The following CENPK variants were observed in gnomAD, a reference collection of about 807,000 sequenced individuals.
CENPK encodes SoxLZ/Sox6-binding protein Solt.
CENPK carries 46 observed loss-of-function variants against 40.9 expected under a neutral mutation model. The observed-to-expected ratio is 1.13, with a 90% confidence interval of 0.89 to 1.44. CENPK has a LOEUF of 1.44. Ranked by LOEUF, CENPK falls within the 40% of genes most tolerant of loss-of-function variation. The probability of loss-of-function intolerance (pLI) is 0.00; values close to 1 mark genes in which losing one functional copy is unlikely to be tolerated. For synonymous variants in CENPK, 107 were observed against 104.4 expected (o/e 1.02, Z -0.15); for missense variants, 288 against 303.5 (o/e 0.95, Z 0.38).
chr5:65,512,879 T>G (rs1246846671), downstream of CENPK, among the ~76,000 whole-genome samples: 2 of 152,218 alleles, frequency 1.3e-5, no homozygotes, highest in Admixed American at 6.5e-5. Context: ...GCCATTGTGG[T>G]AGGCACATAG....
chr5:65,502,174 G>C, the CENPK span, among the ~76,000 whole-genome samples: 4 of 152,274 alleles, frequency 2.6e-5, no homozygotes, highest in Admixed American at 6.5e-5. Context: ...CAGTAGGGTG[G>C]TTATAGTTGA....
intron 5 of CENPK, among the ~76,000 whole-genome samples, chr5:65,548,661 T>G (rs1351480540): frequency 6.6e-6 from 1 of 152,224 alleles, no homozygotes; most frequent in Non-Finnish European, 1.5e-5. Context: ...AATCTTTTGT[T>G]GTCATTTCAA....
intron 2 of CENPK, among the ~76,000 whole-genome samples, chr5:65,555,750 G>C (rs1750866241): frequency 6.6e-6 from 1 of 152,176 alleles, no homozygotes; most frequent in Non-Finnish European, 1.5e-5. Flanking sequence ...AGAGAGAAGT[G>C]AATTATTACG....
At chr5:65,533,839 G>A (rs1746348995) in intron 6 of CENPK, among the ~76,000 whole-genome samples, 1 of 151,810 alleles carries the variant, frequency 6.6e-6, no homozygotes, top group South Asian at 2.1e-4. Context: ...TCAGGAGATC[G>A]AGACCATCCT....
At chr5:65,554,084 C>T (rs1750578598) in intron 3 of CENPK, among the ~76,000 whole-genome samples, 2 of 152,206 alleles carry the variant, frequency 1.3e-5, no homozygotes, top group Admixed American at 1.3e-4. Flanking sequence ...GCTTTGTATA[C>T]CTCTTCTACT....
intron 6 of CENPK, chr5:65,529,545 T>C (rs1313542267): frequency 5.4e-6 from 1 of 185,386 alleles, no homozygotes; most frequent in Admixed American, 5.8e-5. Flanking sequence ...TGGAGGGCAG[T>C]GGTGCCATCT....
intron 4 of CENPK, among the ~76,000 whole-genome samples, 185 bp from the exon 5 acceptor site, chr5:65,551,821 C>T (rs141742325): frequency 6.6e-6 from 1 of 152,276 alleles, no homozygotes; most frequent in East Asian, 1.9e-4. Context: ...TCTATTCCTA[C>T]AGCAATTCCA....
In CENPK at chr5:65,551,551, A is replaced by G; in HGVS notation, c.241+13T>C. ...GGTTTACAAAAAATTCAAATTTAAAATAAGAATCTTACTTTCAGGTGTTTT... is the reference window on the plus strand; with the variant it reads ...GGTTTACAAAAAATTCAAATTTAAAGTAAGAATCTTACTTTCAGGTGTTTT... On this transcript the variant is annotated intron_variant, in intron 5 of 10. Coordinates refer to ENST00000396679, the MANE Select transcript of CENPK (RefSeq NM_022145.5). 3 of 1,431,406 alleles carry G rather than the reference A, an allele frequency of 2.1e-6. No individual in the cohort carries two copies. Among genetic ancestry groups the G allele is most frequent in the African/African-American group, 1.4e-5 (1 of 69,308 alleles). The allele number at this position is 1,431,406 out of a possible 1,614,324, so 88.7% of individuals were successfully genotyped here.
chr5:65,501,806 G>GGA, the CENPK span, among the ~76,000 whole-genome samples: 1 of 152,192 alleles, frequency 6.6e-6, no homozygotes, highest in African/African-American at 2.4e-5. Flanking sequence ...ACATCAGTCT[G>GGA]GCTAGGAAAG....
At chr5:65,505,479 A>T in the CENPK span, among the ~76,000 whole-genome samples, 1 of 152,180 alleles carries the variant, frequency 6.6e-6, no homozygotes, top group Admixed American at 6.5e-5. Flanking sequence ...CAAAAATAAA[A>T]ATAAAAAATA....
chr5:65,539,204 C>G (rs1270819576), intron 6 of CENPK, among the ~76,000 whole-genome samples: 1 of 152,192 alleles, frequency 6.6e-6, no homozygotes, highest in Non-Finnish European at 1.5e-5. Context: ...AGGTCTTCCT[C>G]ACATGCAAAA....
At chr5:65,556,562 A>G (rs142538856) in intron 2 of CENPK, among the ~76,000 whole-genome samples, 123 of 152,356 alleles carry the variant, frequency 8.1e-4, no homozygotes, top group African/African-American at 2.9e-3. Flanking sequence ...GAAAGAGTTG[A>G]TATGTTAAAA....
At chr5:65,504,919 T>C in the CENPK span, among the ~76,000 whole-genome samples, 1 of 152,110 alleles carries the variant, frequency 6.6e-6, no homozygotes, top group South Asian at 2.1e-4. Flanking sequence ...TTTAGTTTTT[T>C]ATATGTCAGA....
intron 5 of CENPK, among the ~76,000 whole-genome samples, chr5:65,544,926 T>C (rs534488290): frequency 4.6e-5 from 7 of 152,292 alleles, no homozygotes; most frequent in African/African-American, 1.7e-4. Flanking sequence ...ATTTGCAAGA[T>C]GAAAAAGTTC....
Position 65,518,422 on chromosome 5 carries a change from CAAT to C in CENPK, c.*50_*52del, listed in dbSNP as rs1743090541. 1 of 1,543,700 alleles carries C rather than the reference CAAT, an allele frequency of 6.5e-7. No homozygotes were observed. The highest frequency in any genetic ancestry group is 8.8e-7 in the Non-Finnish European group (1 of 1,135,220). ...TTTTATCCAAATAGTCCTGTGGTTC[CAAT>C]ATCCTTGAATGATAAGAATTTTTAC... On this transcript the variant is annotated 3_prime_UTR_variant, in exon 11 of 11. Transcript: ENST00000396679.
intron 5 of CENPK, 21 bp from the exon 6 acceptor site, chr5:65,542,869 A>AAAAC (rs1748223059): frequency 6.3e-7 from 1 of 1,593,032 alleles, no homozygotes; most frequent in African/African-American, 1.4e-5. Context: ...AAAACAAAAC[A>AAAAC]AAGTTACACA....
At chr5:65,520,261 C>CT (rs1423154834) in intron 10 of CENPK, among the ~76,000 whole-genome samples, 1 of 151,910 alleles carries the variant, frequency 6.6e-6, no homozygotes, top group Non-Finnish European at 1.5e-5. Flanking sequence ...TCTGCTGCTG[C>CT]TTCACCTTCT....
At chr5:65,542,465 C>T (rs1357129460) in intron 6 of CENPK, among the ~76,000 whole-genome samples, 2 of 151,886 alleles carry the variant, frequency 1.3e-5, no homozygotes, top group Non-Finnish European at 2.9e-5. Context: ...ACTGAAATCC[C>T]GTCTCTACTA....
the CENPK span, among the ~76,000 whole-genome samples, chr5:65,504,915 T>G: frequency 6.6e-6 from 1 of 152,108 alleles, no homozygotes; most frequent in Non-Finnish European, 1.5e-5. Flanking sequence ...GATTTTTAGT[T>G]TTTTATATGT....
Sources: gnomAD v4.1 joint callset for allele counts (sites outside exome capture counted in the v4.1 genomes callset) on GRCh38, gnomAD v4.1.1 for gene constraint, MANE v1.5 for transcripts, NCBI Gene and HGNC (gene_info 2026-07-23, HGNC 2026-07-21) for gene names.